The following RNLS variants were observed in gnomAD, a reference collection of about 807,000 sequenced individuals.
The protein encoded by RNLS is renalase, FAD dependent amine oxidase.
A neutral mutation model predicts 39.8 loss-of-function variants in RNLS; 39 were observed. That is an observed-to-expected ratio of 0.98 (90% CI 0.76 to 1.28). The LOEUF (loss-of-function observed/expected upper bound fraction) is 1.28, where lower values mean the gene tolerates loss of function less well. RNLS is among the 50% of genes most tolerant of loss of function. The pLI is 0.00. For missense variants in RNLS, 410 were observed against 413.3 expected (o/e 0.99, Z 0.07); for synonymous variants, 147 against 150.7 (o/e 0.98, Z 0.18).
At chr10:88,561,473 A>G (rs908509406) in intron 4 of RNLS, among the ~76,000 whole-genome samples, 1 of 152,190 alleles carries the variant, frequency 6.6e-6, no homozygotes, top group African/African-American at 2.4e-5. Context: ...TATTAAATAA[A>G]TGGTGCTGAT....
At chr10:88,362,463 C>T in intron 5 of RNLS, 89 bp downstream of exon 5, 1 of 1,242,678 alleles carries the variant, frequency 8.0e-7, no homozygotes, top group Non-Finnish European at 1.1e-6. Flanking sequence ...TTGCTCTGTT[C>T]AGAATGGCAA....
intron 4 of RNLS, among the ~76,000 whole-genome samples, chr10:88,433,885 C>T (rs539261269): frequency 1.3e-5 from 2 of 152,062 alleles, no homozygotes; most frequent in Non-Finnish European, 2.9e-5. Context: ...ATTATTTCAT[C>T]CCAGGCTTGC....
chr10:88,306,970 A>G (rs1844966411), intron 6 of RNLS, among the ~76,000 whole-genome samples: 1 of 152,190 alleles, frequency 6.6e-6, no homozygotes, highest in Non-Finnish European at 1.5e-5. Context: ...AATCTTATCC[A>G]CCATGATCAA....
intron 4 of RNLS, among the ~76,000 whole-genome samples, chr10:88,533,772 G>C (rs542071889): frequency 1.3e-5 from 2 of 152,102 alleles, no homozygotes; most frequent in East Asian, 3.9e-4. Flanking sequence ...AACAGGTTTG[G>C]TGAGGACAGT....
intron 6 of RNLS, among the ~76,000 whole-genome samples, chr10:88,288,428 C>T (rs1172912727): frequency 2.0e-5 from 3 of 152,110 alleles, no homozygotes; most frequent in Admixed American, 2.0e-4. Context: ...AGTCACTTAG[C>T]TTTAGGCATC....
chr10:88,451,863 T>C (rs1024610451), intron 4 of RNLS, among the ~76,000 whole-genome samples: 4 of 152,236 alleles, frequency 2.6e-5, no homozygotes, highest in Admixed American at 1.3e-4. Flanking sequence ...TTTTCTCTGA[T>C]GCTAGGTTGA....
At chr10:88,283,534 T>C (rs1019307362), downstream of RNLS, among the ~76,000 whole-genome samples, 4 of 152,110 alleles carry the variant, frequency 2.6e-5, no homozygotes, top group Non-Finnish European at 5.9e-5. Context: ...AAATAGTTAA[T>C]TTGAATGACC....
chr10:88,444,036 C>A (rs970482412), intron 4 of RNLS, among the ~76,000 whole-genome samples: 1 of 152,248 alleles, frequency 6.6e-6, no homozygotes, highest in Non-Finnish European at 1.5e-5. Context: ...AAGTAGGTCT[C>A]TGAACCCCGA....
At chr10:88,425,130 G>C (rs919603960) in intron 4 of RNLS, among the ~76,000 whole-genome samples, 11 of 152,116 alleles carry the variant, frequency 7.2e-5, no homozygotes, top group Admixed American at 5.9e-4. Flanking sequence ...TTTTGAAGGG[G>C]AGGAAGGGAA....
chr10:88,321,068 C>A (rs1846153219), intron 5 of RNLS, among the ~76,000 whole-genome samples: 1 of 151,770 alleles, frequency 6.6e-6, no homozygotes, highest in African/African-American at 2.4e-5. Context: ...AATCTTAATA[C>A]ATTTAAAAAC....
At chr10:88,493,349 T>G (rs1844993078) in intron 4 of RNLS, among the ~76,000 whole-genome samples, 1 of 152,086 alleles carries the variant, frequency 6.6e-6, no homozygotes, top group Non-Finnish European at 1.5e-5. Flanking sequence ...TATAATCTTG[T>G]TTTTCCCCAT....
intron 4 of RNLS, among the ~76,000 whole-genome samples, chr10:88,400,475 G>A (rs531585476): frequency 6.6e-6 from 1 of 151,636 alleles, no homozygotes; most frequent in African/African-American, 2.4e-5. Context: ...CCAATCTTTC[G>A]GGACCTTATT....
chr10:88,468,860 T>C (rs1230207846), intron 4 of RNLS, among the ~76,000 whole-genome samples: 1 of 152,166 alleles, frequency 6.6e-6, no homozygotes, highest in African/African-American at 2.4e-5. Flanking sequence ...GAACTCTTGA[T>C]GCAGAATGTG....
intron 5 of RNLS, among the ~76,000 whole-genome samples, chr10:88,322,098 T>C (rs928223834): frequency 6.6e-6 from 1 of 152,190 alleles, no homozygotes; most frequent in Non-Finnish European, 1.5e-5. Context: ...AGATATTTCA[T>C]CGTGATCAAG....
chr10:88,556,698 G>T (rs888418945), intron 4 of RNLS, among the ~76,000 whole-genome samples: 6 of 152,052 alleles, frequency 3.9e-5, no homozygotes, highest in Non-Finnish European at 7.4e-5. Context: ...CTTGTTCCAA[G>T]GAACTTCTAT....
rs140303880 is a variant in RNLS at position 88,297,943 on chromosome 10, C to A, written c.877-12437G>T. 7.5e-3 allele frequency among the ~76,000 whole-genome samples: 1,149 copies of A among 152,252 alleles called. 6 individuals are homozygous for A. Among genetic ancestry groups the A allele is most frequent in the Non-Finnish European group, 0.013 (862 of 68,016 alleles). On this transcript the variant is annotated intron_variant, in intron 6 of 6. Transcript: ENST00000331772. ...ACAGTGGCTGCACCATTTTACATTC[C>A]CACTAGCAAAGTACAAGTGTTCCAT...
At chr10:88,179,219 G>A in the RNLS span, among the ~76,000 whole-genome samples, 1 of 152,148 alleles carries the variant, frequency 6.6e-6, no homozygotes, top group Non-Finnish European at 1.5e-5. Context: ...TTTAAATTGG[G>A]TGACCAAGAT....
In RNLS at chr10:88,389,809, A is replaced by G. The variant is rs1852091229; in HGVS notation, c.527-27084T>C. Among the ~76,000 whole-genome samples, 3 of 152,212 alleles carry G rather than the reference A, an allele frequency of 2.0e-5. No individual in the cohort carries two copies. In the South Asian group the frequency reaches 6.2e-4, roughly 32 times the overall value. ...GATATACCTGCCTCAGAATATTTAC[A>G]GATTCAGGGATAGGGCATGTAGTTG... is the stretch of plus-strand genomic sequence containing the variant. On this transcript the variant is annotated intron_variant, in intron 4 of 6. Transcript: ENST00000331772.
At position 88,314,472 on chromosome 10, in the gene RNLS, A is replaced by G. The variant is rs747127606; in HGVS notation, c.870T>C (p.His290=). Reference sequence around the variant, plus strand: ...CACTGGATTCTTTGATTACCTGTGAATGTCTCCATTTTTGGCATTTGGTAG... The same window carrying G: ...CACTGGATTCTTTGATTACCTGTGAGTGTCTCCATTTTTGGCATTTGGTAG... ...PIATKCQKWR[H]SQVTNAAANC... is the part of the protein sequence containing the mutation. Residue 290 remains histidine, a synonymous_variant, in exon 6 of 7, where the codon CAT becomes CAC. Transcript: ENST00000331772. The G allele has an allele frequency of 6.8e-6, 11 of 1,613,714 alleles. No homozygotes were observed. Among genetic ancestry groups the G allele is most frequent in the Non-Finnish European group, 8.5e-6 (10 of 1,179,778 alleles).
Sources: allele counts gnomAD v4.1 joint callset (sites outside exome capture counted in the v4.1 genomes callset), GRCh38; gene constraint gnomAD v4.1.1; transcripts MANE v1.5; gene names NCBI Gene and HGNC (gene_info 2026-07-23, HGNC 2026-07-21).